The following FKBP9 variants were observed in gnomAD, a reference collection of about 807,000 sequenced individuals.
FKBP9 encodes peptidyl-prolyl cis-trans isomerase FKBP9.
Under a neutral mutation model 55.6 loss-of-function variants are expected in FKBP9, and 27 were observed. The ratio of observed to expected loss-of-function variants is 0.49; its 90% CI spans 0.36 to 0.67. The LOEUF (loss-of-function observed/expected upper bound fraction) is 0.67. Among genes scored for constraint, FKBP9 ranks in the 30% least tolerant of loss-of-function variants. FKBP9 has a pLI of 0.00. For synonymous variants in FKBP9, 267 were observed against 296.5 expected, an observed-to-expected ratio of 0.90 and a Z score of 1.02; for missense variants, 539 against 742.8, an observed-to-expected ratio of 0.73 and a Z score of 3.19.
chr7:32,981,398 C>G (rs1220903308), intron 5 of FKBP9, among the ~76,000 whole-genome samples: 2 of 152,164 alleles, frequency 1.3e-5, no homozygotes, highest in Non-Finnish European at 2.9e-5. Flanking sequence ...TTTTGTTGTT[C>G]AAAGTTTTGT....
intron 5 of FKBP9, among the ~76,000 whole-genome samples, chr7:32,985,558 A>G (rs1281457713): frequency 2.6e-5 from 4 of 152,180 alleles, no homozygotes; most frequent in Non-Finnish European, 5.9e-5. Flanking sequence ...TTAATTTTTT[A>G]CAAGAATGAT....
intron 4 of FKBP9, among the ~76,000 whole-genome samples, chr7:32,978,835 T>C (rs1169690163): frequency 6.6e-6 from 1 of 152,242 alleles, no homozygotes; most frequent in African/African-American, 2.4e-5. Context: ...GTAGTTATTT[T>C]TGAATACTTT....
chr7:33,002,902 G>C, intron 9 of FKBP9, 63 bp downstream of exon 9: 1 of 1,561,622 alleles, frequency 6.4e-7, no homozygotes, highest in Non-Finnish European at 8.7e-7. Context: ...GTAAGGCCGT[G>C]GGGCCGGTTC....
chr7:32,998,340 A>AAGTGGGT lies in FKBP9; in HGVS notation c.1227-1774_1227-1768dup, dbSNP rs1784857280. 2.0e-5 allele frequency among the ~76,000 whole-genome samples: 3 copies of AAGTGGGT among 151,566 alleles called. No homozygotes were observed. The South Asian group carries it at 6.3e-4, about 32-fold the overall frequency. ...CTGATCCTGAGGCTGAGGAAAGGGG[A>AAGTGGGT]AGTGGGTGTGGGGAATGAACAAAGG... On this transcript the variant is annotated intron_variant, in intron 7 of 9. Coordinates refer to ENST00000242209, the MANE Select transcript of FKBP9 (RefSeq NM_007270.5).
chr7:32,990,878 C>A (rs1784666894), intron 6 of FKBP9, among the ~76,000 whole-genome samples: 2 of 152,052 alleles, frequency 1.3e-5, no homozygotes, highest in African/African-American at 4.8e-5. Context: ...CCCAGAGGAT[C>A]CAAGAAACGT....
At chr7:32,986,366 C>T (rs1000397367) in intron 5 of FKBP9, among the ~76,000 whole-genome samples, 6 of 152,234 alleles carry the variant, frequency 3.9e-5, no homozygotes, top group African/African-American at 1.4e-4. Context: ...CATAGGTATC[C>T]TTCTCTTCCC....
intron 1 of FKBP9, among the ~76,000 whole-genome samples, chr7:32,968,609 G>A (rs1162660529): frequency 7.1e-6 from 1 of 140,446 alleles, no homozygotes; most frequent in Non-Finnish European, 1.5e-5. Flanking sequence ...TTTCACTTTT[G>A]TCGCCCAGGC....
intron 1 of FKBP9, among the ~76,000 whole-genome samples, chr7:32,971,661 T>C (rs1732554131): frequency 6.6e-6 from 1 of 152,164 alleles, no homozygotes. Flanking sequence ...TTTGTATTTT[T>C]AGTAGAGATG....
chr7:32,968,193 C>T (rs574253816), intron 1 of FKBP9, among the ~76,000 whole-genome samples: 1 of 152,278 alleles, frequency 6.6e-6, no homozygotes, highest in South Asian at 2.1e-4. Flanking sequence ...ACCTTTGCAC[C>T]ACCACACATG....
At position 32,980,470 on chromosome 7, in the gene FKBP9, CT is replaced by C; in HGVS notation, c.811del (p.Cys271ValfsTer4). 6.2e-7 allele frequency: 1 copy of C among 1,613,814 alleles called. No individual in the cohort carries two copies. Among genetic ancestry groups the C allele is most frequent in the Non-Finnish European group, 8.5e-7 (1 of 1,179,848 alleles). ...SIENKVVPEN[C>X]ERISQSGDFL... ...TTGAGAACAAGGTAGTACCTGAAAA[CT>C]GTGAGCGGATAAGTCAAAGTGGGGA... On this transcript the variant is annotated frameshift_variant, in exon 5 of 10. Coordinates refer to ENST00000242209, the MANE Select transcript of FKBP9 (RefSeq NM_007270.5). LOFTEE classifies it high-confidence loss of function.
At chr7:32,975,813 A>AT (rs1413732420) in intron 3 of FKBP9, among the ~76,000 whole-genome samples, 6 of 151,896 alleles carry the variant, frequency 4.0e-5, no homozygotes, top group Middle Eastern at 3.2e-3. Context: ...CACCAAGCTA[A>AT]TTTTTTGTAT....
At chr7:32,967,305 T>TATATATCTCTA (rs1784163835) in intron 1 of FKBP9, among the ~76,000 whole-genome samples, 13 of 152,256 alleles carry the variant, frequency 8.5e-5, no homozygotes, top group Non-Finnish European at 1.5e-4. Context: ...ATATTCACAC[T>TATATATCTCTA]GTTGTGCAAT....
intron 4 of FKBP9, chr7:32,979,391 G>T: frequency 8.2e-6 from 6 of 728,166 alleles, no homozygotes; most frequent in Non-Finnish European, 1.2e-5. Flanking sequence ...CCACGCATGC[G>T]ATTTAGGGAT....
At position 33,000,402 on chromosome 7, in the gene FKBP9, T is replaced by A. The variant is rs573226171; in HGVS notation, c.1372+142T>A. ...GTGTGTGGTTTCTATTTTTAAAAAA[T>A]TATTTAGTATTTTTGTTTGGAGACC... On this transcript the variant is annotated intron_variant, in intron 8 of 9. Coordinates refer to ENST00000242209, the MANE Select transcript of FKBP9 (RefSeq NM_007270.5). 9 of 1,277,584 alleles carry A rather than the reference T, an allele frequency of 7.0e-6. No homozygotes were observed. The Admixed American group carries it at 1.7e-4, about 24-fold the overall frequency. 79.1% of individuals were successfully genotyped at this position (1,277,584 alleles called of 1,614,324 possible).
At chr7:32,984,483 C>G (rs1044197724) in intron 5 of FKBP9, among the ~76,000 whole-genome samples, 5 of 152,188 alleles carry the variant, frequency 3.3e-5, no homozygotes, top group African/African-American at 1.2e-4. Context: ...GTATCAAACT[C>G]CCGGCCTCAA....
intron 3 of FKBP9, 103 bp from the exon 4 acceptor site, chr7:32,976,251 G>C: frequency 3.7e-6 from 5 of 1,339,498 alleles, no homozygotes; most frequent in Non-Finnish European, 4.3e-6. Context: ...ATGGGTATGG[G>C]ATCATCGTTT....
At chr7:32,975,150 T>C (rs1423990500) in intron 2 of FKBP9, 32 bp from the exon 3 acceptor site, 1 of 1,587,664 alleles carries the variant, frequency 6.3e-7, no homozygotes, top group Non-Finnish European at 8.6e-7. Context: ...AGGCAGCAAC[T>C]GTGAACTCAG....
chr7:32,970,123 A>G (rs1431653028), intron 1 of FKBP9, among the ~76,000 whole-genome samples: 4 of 151,902 alleles, frequency 2.6e-5, no homozygotes, highest in African/African-American at 7.3e-5. Context: ...GTTAGTGTGG[A>G]CATCTTAGCC....
chr7:32,996,399 C>T, intron 7 of FKBP9, 50 bp downstream of exon 7: 1 of 1,283,146 alleles, frequency 7.8e-7, no homozygotes, highest in East Asian at 2.4e-5. Context: ...GTGACAGTTG[C>T]ATGCTCCCAC....
Sources: gnomAD v4.1 joint callset for allele counts (sites outside exome capture counted in the v4.1 genomes callset) on GRCh38, gnomAD v4.1.1 for gene constraint, MANE v1.5 for transcripts, NCBI Gene and HGNC (gene_info 2026-07-23, HGNC 2026-07-21) for gene names.